BIRC6: variants seen among roughly 807,000 people sequenced by gnomAD.
BIRC6 encodes the protein dual E2 ubiquitin-conjugating enzyme/E3 ubiquitin-protein ligase BIRC6.
BIRC6 carries 98 observed loss-of-function variants against 503.3 expected under a neutral mutation model. The ratio of observed to expected loss-of-function variants is 0.19; its 90% CI spans 0.17 to 0.23. BIRC6 has a LOEUF of 0.23. BIRC6 is among the 10% of genes least tolerant of loss of function. The pLI, the probability that BIRC6 is intolerant of heterozygous loss-of-function variation, is 1.00. For missense variants in BIRC6, 5,360 were observed against 5,806.0 expected (o/e 0.92, Z 2.50); for synonymous variants, 2,240 against 2,078.7 (o/e 1.08, Z -2.11).
At chr2:32,409,952 C>T (rs1181790460) in intron 9 of BIRC6, among the ~76,000 whole-genome samples, 2 of 152,084 alleles carry the variant, frequency 1.3e-5, no homozygotes, top group Non-Finnish European at 2.9e-5. Context: ...ATGCTGCTTC[C>T]CACATGTTGA....
At chr2:32,426,559 A>G (rs576773780) in intron 10 of BIRC6, among the ~76,000 whole-genome samples, 2 of 152,372 alleles carry the variant, frequency 1.3e-5, no homozygotes, top group African/African-American at 2.4e-5. Flanking sequence ...AGCTGAGATC[A>G]CACCATTGTA....
intron 66 of BIRC6, among the ~76,000 whole-genome samples, chr2:32,581,071 G>T (rs188402362): frequency 6.6e-6 from 1 of 152,132 alleles, no homozygotes; most frequent in Non-Finnish European, 1.5e-5. Flanking sequence ...GTTATTTGAC[G>T]GACTCAGGCA....
At chr2:32,598,981 C>T (rs183286630) in intron 69 of BIRC6, among the ~76,000 whole-genome samples, 273 of 137,078 alleles carry the variant, frequency 2.0e-3, no homozygotes, top group African/African-American at 7.2e-3. Flanking sequence ...GAGATCTCGC[C>T]ACTGCACTGC....
At chr2:32,488,739 TTATAGTC>T (rs941155593) in intron 42 of BIRC6, 25 bp downstream of exon 42, 3 of 1,332,250 alleles carry the variant, frequency 2.3e-6, no homozygotes, top group Non-Finnish European at 3.1e-6. Flanking sequence ...GAGAAAAACA[TTATAGTC>T]TAAATAGCAA....
chr2:32,593,857 G>C, intron 66 of BIRC6, 58 bp from the exon 67 acceptor site: 1 of 1,447,140 alleles, frequency 6.9e-7, no homozygotes, highest in Non-Finnish European at 9.6e-7. Context: ...TTATGGAGGT[G>C]TTTTAGTCCT....
At position 32,534,537 on chromosome 2, in the gene BIRC6, C is replaced by T. The variant is rs183626612; in HGVS notation, c.12291+2986C>T. The stretch of plus-strand genomic sequence containing the variant: ...CCTGAGGTCAGGAGTTTGAGATCAG[C>T]CTGGCCAACATGGTGAAACCCCATC... On this transcript the variant is annotated intron_variant, in intron 61 of 73. Coordinates refer to ENST00000421745, the MANE Select transcript of BIRC6 (RefSeq NM_016252.4). 3.6e-3 allele frequency among the ~76,000 whole-genome samples: 550 copies of T among 151,528 alleles called. 3 individuals are homozygous for T. Among genetic ancestry groups the T allele is most frequent in the Non-Finnish European group, 6.2e-3 (421 of 67,888 alleles).
chr2:32,569,757 A>T (rs1212871832), intron 65 of BIRC6, among the ~76,000 whole-genome samples: 1 of 151,950 alleles, frequency 6.6e-6, no homozygotes. Context: ...GTATAGAAAC[A>T]TTACTGGTTT....
intron 41 of BIRC6, 146 bp downstream of exon 41, chr2:32,487,947 A>T: frequency 1.5e-6 from 1 of 681,636 alleles, no homozygotes; most frequent in Admixed American, 2.9e-5. Context: ...TACTTTGATT[A>T]CCAAAGTAAT....
chr2:32,478,588 A>G (rs1403061966), intron 35 of BIRC6, 47 bp from the exon 36 acceptor site: 3 of 1,521,978 alleles, frequency 2.0e-6, no homozygotes, highest in African/African-American at 2.8e-5. Flanking sequence ...GTTTGAAAAA[A>G]CATGTAATTG....
At chr2:32,363,902 TA>T (rs977567469) in intron 1 of BIRC6, among the ~76,000 whole-genome samples, 1 of 152,206 alleles carries the variant, frequency 6.6e-6, no homozygotes, top group East Asian at 1.9e-4. Flanking sequence ...GTGATTACTT[TA>T]AAAAATGTTC....
At chr2:32,393,945 A>G (rs1276957202) in intron 5 of BIRC6, among the ~76,000 whole-genome samples, 2 of 105,676 alleles carry the variant, frequency 1.9e-5, no homozygotes, top group East Asian at 7.4e-4. Flanking sequence ...AAACCAGAAA[A>G]CTATATATAT....
chr2:32,461,835 C>T (rs186500543), intron 23 of BIRC6, among the ~76,000 whole-genome samples: 1 of 151,908 alleles, frequency 6.6e-6, no homozygotes. Flanking sequence ...TATTTTTGTA[C>T]CTCATACGTA....
At chr2:32,522,165 G>A (rs2055797090) in intron 57 of BIRC6, 1 of 151,648 alleles carries the variant, frequency 6.6e-6, no homozygotes, top group Non-Finnish European at 1.5e-5. Context: ...CTTACTTAAA[G>A]TGTATAGGTT....
intron 66 of BIRC6, among the ~76,000 whole-genome samples, chr2:32,579,763 AT>A (rs2060540838): frequency 6.6e-6 from 1 of 152,116 alleles, no homozygotes; most frequent in Non-Finnish European, 1.5e-5. Context: ...CATTTATCTA[AT>A]TTGTAACATA....
At chr2:32,399,494 G>A (rs762115142) in intron 6 of BIRC6, among the ~76,000 whole-genome samples, 19 of 152,216 alleles carry the variant, frequency 1.2e-4, no homozygotes, top group Admixed American at 1.1e-3. Flanking sequence ...TTGGGCTTAA[G>A]CAGTCCTCCT....
At chr2:32,521,868 T>C (rs900147033) in intron 57 of BIRC6, 4 of 152,198 alleles carry the variant, frequency 2.6e-5, no homozygotes, top group Non-Finnish European at 5.9e-5. Flanking sequence ...GTATGATGAT[T>C]GTGTGCCTTA....
At chr2:32,496,686 A>G (rs567881298) in intron 45 of BIRC6, among the ~76,000 whole-genome samples, 1 of 152,056 alleles carries the variant, frequency 6.6e-6, no homozygotes, top group South Asian at 2.1e-4. Flanking sequence ...TTTTAATTCC[A>G]TTCCTTTTTC....
chr2:32,516,785 C>T (rs114031269), intron 55 of BIRC6, among the ~76,000 whole-genome samples: 2,029 of 152,030 alleles, frequency 0.013, 45 homozygotes, highest in African/African-American at 0.046. Context: ...GGTTACCTCA[C>T]GTGACCTTGG....
intron 1 of BIRC6, among the ~76,000 whole-genome samples, chr2:32,361,781 G>A (rs1558520104): frequency 6.6e-6 from 1 of 151,796 alleles, no homozygotes; most frequent in Non-Finnish European, 1.5e-5. Flanking sequence ...TGTCATAGTT[G>A]TATTTATACC....
Sources: gnomAD v4.1 joint callset for allele counts (sites outside exome capture counted in the v4.1 genomes callset) on GRCh38, gnomAD v4.1.1 for gene constraint, MANE v1.5 for transcripts, NCBI Gene and HGNC (gene_info 2026-07-23, HGNC 2026-07-21) for gene names.